Variants in AKT1 observed in about 807,000 individuals in gnomAD.
The protein encoded by AKT1 is RAC-alpha serine/threonine-protein kinase.
Under a neutral mutation model 63.1 loss-of-function variants are expected in AKT1, and 21 were observed. The ratio of observed to expected loss-of-function variants is 0.33; its 90% CI spans 0.24 to 0.48. The LOEUF (loss-of-function observed/expected upper bound fraction) is 0.48, where lower values mean the gene tolerates loss of function less well. AKT1 is among the 20% of genes least tolerant of loss of function. The pLI is 0.99. For missense variants in AKT1, 382 were observed against 666.0 expected (o/e 0.57, Z 4.69); for synonymous variants, 257 against 253.1 (o/e 1.02, Z -0.15).
At chr14:104,772,154 G>T (rs954348864) in intron 13 of AKT1, 10 of 608,498 alleles carry the variant, frequency 1.6e-5, no homozygotes, top group South Asian at 5.7e-5. Context: ...TGAGGACCAG[G>T]CCAGTTTCCT....
chr14:104,776,012 C>T (rs1169083120), intron 5 of AKT1: 8 of 566,282 alleles, frequency 1.4e-5, no homozygotes, highest in African/African-American at 3.8e-5. Flanking sequence ...GCTTAGCCCC[C>T]CAGCAGGACT....
At chr14:104,791,299 G>A (rs930213096) in intron 3 of AKT1, among the ~76,000 whole-genome samples, 1 of 152,074 alleles carries the variant, frequency 6.6e-6, no homozygotes, top group Non-Finnish European at 1.5e-5. Context: ...GAGGTGAGGA[G>A]AGGACCTCCA....
intron 3 of AKT1, among the ~76,000 whole-genome samples, chr14:104,781,702 G>A (rs1893056732): frequency 6.6e-6 from 1 of 152,160 alleles, no homozygotes; most frequent in Admixed American, 6.5e-5. Flanking sequence ...AGGGCTGCTG[G>A]GGGGATGCTG....
chr14:104,792,847 G>A, intron 2 of AKT1, 125 bp from the exon 3 acceptor site: 1 of 635,748 alleles, frequency 1.6e-6, no homozygotes, highest in Admixed American at 2.5e-5. Flanking sequence ...TTCCCAGGTG[G>A]GCTGCCATCC....
In AKT1 at chr14:104,772,353, G is replaced by A. The variant is rs765383641; in HGVS notation, c.1260+12C>T. On this transcript the variant is annotated intron_variant, in intron 13 of 14. Coordinates refer to ENST00000649815, the MANE Select transcript of AKT1 (RefSeq NM_001382430.1). ...GCATGCGTGCGCGTGAATATGCGGG[G>A]AGCAGCCGCACCTTCTTCTCGTACA... The A allele has an allele frequency of 6.2e-5, 100 of 1,613,388 alleles. No individual in the cohort carries two copies. The highest frequency in any genetic ancestry group is 6.7e-5 in the Admixed American group (4 of 59,984).
At chr14:104,787,162 C>T (rs554922038) in intron 3 of AKT1, among the ~76,000 whole-genome samples, 4 of 152,298 alleles carry the variant, frequency 2.6e-5, no homozygotes, top group African/African-American at 7.2e-5. Flanking sequence ...TCAATTCCAA[C>T]GTTTCTGAAA....
Position 104,788,731 on chromosome 14 carries a change from G to A in AKT1, c.46+3867C>T, listed in dbSNP as rs61759773. On this transcript the variant is annotated intron_variant, in intron 3 of 14. Coordinates refer to ENST00000649815, the MANE Select transcript of AKT1 (RefSeq NM_001382430.1). ...GGCGGGGAGAGGGGGTGGGAAGGAGGCCCAGCCTAGGCACCTGCTTGGGGT... is the reference window on the plus strand; with the variant it reads ...GGCGGGGAGAGGGGGTGGGAAGGAGACCCAGCCTAGGCACCTGCTTGGGGT... Among the ~76,000 whole-genome samples the A allele has an allele frequency of 9.8e-4, 149 of 152,294 alleles. 3 individuals are homozygous for A. Among genetic ancestry groups the A allele is most frequent in the African/African-American group, 3.4e-3 (143 of 41,572 alleles).
intron 1 of AKT1, chr14:104,794,208 G>C (rs934562881): frequency 6.6e-6 from 1 of 152,314 alleles, no homozygotes; most frequent in African/African-American, 2.4e-5. Flanking sequence ...GCAGGGCTCC[G>C]AGCCGCGCAC....
chr14:104,770,359 C>T lies in AKT1; in HGVS notation c.1425G>A (p.Ser475=), dbSNP rs748603087. Residue 475 remains serine, a synonymous_variant, in exon 15 of 15, where the codon TCG becomes TCA. Coordinates refer to ENST00000649815, the MANE Select transcript of AKT1 (RefSeq NM_001382430.1). ...CGCCGCCTCAGGCCGTGCCGCTGGC[C>T]GAGTAGGAGAACTGGGGGAAGTGGG... ...RRPHFPQFSY[S]ASGTA 6.8e-6 allele frequency: 11 copies of T among 1,612,254 alleles called. No homozygotes were observed. The highest frequency in any genetic ancestry group is 2.2e-5 in the East Asian group (1 of 44,876).
rs1019848889 is a variant in AKT1 at position 104,769,397 on chromosome 14, A to T, written c.*944T>A. On this transcript the variant is annotated 3_prime_UTR_variant, in exon 15 of 15. Transcript: ENST00000649815. ...GAATTTGGAGGGAAGGTTCCATATT[A>T]TATTATAATAGTAAAAATACTAAAG... 2.9e-5 allele frequency: 9 copies of T among 305,266 alleles called. No homozygotes were observed. Among genetic ancestry groups the T allele is most frequent in the Non-Finnish European group, 5.1e-5 (8 of 158,350 alleles). 18.9% of individuals were successfully genotyped at this position (305,266 alleles called of 1,614,324 possible).
At chr14:104,779,939 G>T in intron 4 of AKT1, 149 bp downstream of exon 4, 1 of 1,210,302 alleles carries the variant, frequency 8.3e-7, no homozygotes. Flanking sequence ...TCGGGACTCG[G>T]CCCAGAGACC....
Position 104,770,430 on chromosome 14 carries a change from TA to T in AKT1, c.1364-11del, listed in dbSNP as rs548780765. 4.1e-4 allele frequency: 658 copies of T among 1,590,550 alleles called. 7 individuals carry two copies. The Admixed American group carries it at 0.011, about 26-fold the overall frequency. ...CACTCCATGCTGTCATCTGTGGGTGTAGACAGCTCAGACCCCGGTGCCCCAC... is the reference window on the plus strand; with the variant it reads ...CACTCCATGCTGTCATCTGTGGGTGTGACAGCTCAGACCCCGGTGCCCCAC... On this transcript the variant is annotated splice_polypyrimidine_tract_variant and intron_variant, in intron 14 of 14. Transcript: ENST00000649815.
At chr14:104,776,349 T>C (rs917830159) in intron 5 of AKT1, 5 of 258,214 alleles carry the variant, frequency 1.9e-5, no homozygotes, top group Non-Finnish European at 3.7e-5. Flanking sequence ...GGTTTCACCA[T>C]GTTGGCAGGC....
chr14:104,787,403 A>C (rs1893390434), intron 3 of AKT1, among the ~76,000 whole-genome samples: 2 of 152,072 alleles, frequency 1.3e-5, no homozygotes, highest in Admixed American at 1.3e-4. Flanking sequence ...AAGCAGACAG[A>C]AGCAGCAGGC....
At chr14:104,785,069 C>T (rs1893261994) in intron 3 of AKT1, among the ~76,000 whole-genome samples, 1 of 152,200 alleles carries the variant, frequency 6.6e-6, no homozygotes, top group Non-Finnish European at 1.5e-5. Context: ...TGGGAGCGGG[C>T]GCCAGCTGAC....
chr14:104,790,645 T>G (rs1893582242), intron 3 of AKT1, among the ~76,000 whole-genome samples: 1 of 152,174 alleles, frequency 6.6e-6, no homozygotes, highest in Non-Finnish European at 1.5e-5. Flanking sequence ...GCCAAGGGCA[T>G]ATGTCATATC....
chr14:104,774,225 G>GCTGCCCCACACCACA (rs936106129), intron 8 of AKT1: 14 of 547,400 alleles, frequency 2.6e-5, no homozygotes, highest in South Asian at 1.4e-4. Context: ...CCCATGCCAC[G>GCTGCCCCACACCACA]CTGCCCCACA....
At chr14:104,773,660 C>G (rs1021679826) in intron 9 of AKT1, 80 bp from the exon 10 acceptor site, 2 of 1,527,486 alleles carry the variant, frequency 1.3e-6, no homozygotes, top group Admixed American at 2.0e-5. Context: ...TTTCTCAGAC[C>G]GGGTCTCGGC....
chr14:104,770,949 G>A (rs868494963), intron 13 of AKT1, 102 bp from the exon 14 acceptor site: 8 of 1,037,190 alleles, frequency 7.7e-6, no homozygotes, highest in Middle Eastern at 2.8e-4. Context: ...TCTCCAAGGG[G>A]TCTCCAGGCA....
Sources: allele counts gnomAD v4.1 joint callset (sites outside exome capture counted in the v4.1 genomes callset), GRCh38; gene constraint gnomAD v4.1.1; transcripts MANE v1.5; gene names NCBI Gene and HGNC (gene_info 2026-07-23, HGNC 2026-07-21).